RAF1: variants seen among roughly 807,000 people sequenced by gnomAD.
RAF1 encodes Raf-1 proto-oncogene, serine/threonine kinase.
RAF1 carries 27 observed loss-of-function variants against 81.1 expected under a neutral mutation model. That is an observed-to-expected ratio of 0.33 (90% CI 0.25 to 0.46). The LOEUF (loss-of-function observed/expected upper bound fraction) is 0.46. Among genes scored for constraint, RAF1 ranks in the 20% least tolerant of loss-of-function variants. The pLI is 1.00. For missense variants in RAF1, 598 were observed against 826.0 expected (o/e 0.72, Z 3.38); for synonymous variants, 298 against 294.0 (o/e 1.01, Z -0.14).
At chr3:12,663,128 G>C (rs1347662602) in intron 1 of RAF1, among the ~76,000 whole-genome samples, 2 of 152,118 alleles carry the variant, frequency 1.3e-5, no homozygotes, top group Non-Finnish European at 2.9e-5. Flanking sequence ...CTCTCTCTTG[G>C]GCATCGACTC....
intron 5 of RAF1, among the ~76,000 whole-genome samples, chr3:12,608,031 G>A (rs1467164745): frequency 6.7e-6 from 1 of 149,122 alleles, no homozygotes; most frequent in Non-Finnish European, 1.5e-5. Flanking sequence ...TGCTACTCAA[G>A]CTCTCATCAC....
chr3:12,663,474 G>C (rs1049569755), intron 1 of RAF1, among the ~76,000 whole-genome samples: 2 of 152,190 alleles, frequency 1.3e-5, no homozygotes, highest in Non-Finnish European at 2.9e-5. Context: ...AAAGGAATTG[G>C]CCCATCCAAG....
chr3:12,617,142 T>A (rs2059393485), intron 2 of RAF1, among the ~76,000 whole-genome samples: 1 of 152,016 alleles, frequency 6.6e-6, no homozygotes, highest in African/African-American at 2.4e-5. Context: ...TAATATAGTC[T>A]CACCCTTTCG....
At chr3:12,595,553 C>G (rs1039023283) in intron 11 of RAF1, among the ~76,000 whole-genome samples, 1 of 152,160 alleles carries the variant, frequency 6.6e-6, no homozygotes. Flanking sequence ...CACCCTACCA[C>G]TGGACCTCAC....
At chr3:12,640,236 T>G (rs990335201) in intron 1 of RAF1, among the ~76,000 whole-genome samples, 6 of 152,152 alleles carry the variant, frequency 3.9e-5, no homozygotes, top group Non-Finnish European at 8.8e-5. Flanking sequence ...ATTAAAGACT[T>G]AAATGTTAGA....
At chr3:12,648,392 G>A (rs2060419289) in intron 1 of RAF1, among the ~76,000 whole-genome samples, 1 of 151,498 alleles carries the variant, frequency 6.6e-6, no homozygotes, top group Admixed American at 6.6e-5. Flanking sequence ...CATACTAAAG[G>A]CATTAATTTT....
At chr3:12,647,034 C>T (rs1037866280) in intron 1 of RAF1, among the ~76,000 whole-genome samples, 2 of 151,428 alleles carry the variant, frequency 1.3e-5, no homozygotes, top group East Asian at 2.0e-4. Context: ...TGGTGGCTCA[C>T]GCCTGTAATC....
At position 12,652,518 on chromosome 3, in the gene RAF1, C is replaced by T. The variant is rs142976196; in HGVS notation, c.-27+11295G>A. Reference sequence around the variant, plus strand: ...CCTGGGCGACAAAGCTAGACTCGGTCTCAAAGAAAAAAAAAATCAAAACTT... The same window carrying T: ...CCTGGGCGACAAAGCTAGACTCGGTTTCAAAGAAAAAAAAAATCAAAACTT... On this transcript the variant is annotated intron_variant, in intron 1 of 17. Coordinates refer to ENST00000442415, the MANE Select transcript of RAF1 (RefSeq NM_001354689.3). Among the ~76,000 whole-genome samples, 643 of 151,824 alleles carry T rather than the reference C, an allele frequency of 4.2e-3. 7 individuals carry two copies. Among genetic ancestry groups the T allele is most frequent in the African/African-American group, 0.014 (588 of 41,398 alleles).
Position 12,591,753 on chromosome 3 carries a change from G to T in RAF1, c.1208C>A (p.Thr403Asn), listed in dbSNP as rs1458877448. The change falls in exon 12 of 18, where the codon ACC (threonine) becomes AAC (asparagine). Residue 403 changes from threonine (T) to asparagine (N), a missense_variant. Thr to Asn is a moderately conservative substitution (Grantham distance 65). This residue lies in a region of RAF1 where 85 missense variants were observed against 185.6 expected (regional missense o/e 0.46). Coordinates refer to ENST00000442415, the MANE Select transcript of RAF1 (RefSeq NM_001354689.3). ...CCTGAAGGCCTGGAATTGCTCTGGG[G>T]TTGGGTCGACAACCTTTAGGATCTT... 1 of 1,614,200 alleles carries T rather than the reference G, an allele frequency of 6.2e-7. No homozygotes were observed. Among genetic ancestry groups the T allele is most frequent in the Admixed American group, 1.7e-5 (1 of 60,026 alleles).
intron 11 of RAF1, among the ~76,000 whole-genome samples, chr3:12,598,259 C>T (rs1205477501): frequency 6.6e-6 from 1 of 152,062 alleles, no homozygotes; most frequent in African/African-American, 2.4e-5. Context: ...GTTCTGCCTG[C>T]CTCAGCCTCC....
rs908527722 is a variant in RAF1 at position 12,584,423 on chromosome 3, T to C, written c.*91A>G. ...CTTAGCAGCAGCTTCTCTGAAAACA[T>C]GTGTTCTGCCTCTGGAGAAAGGGAG... On this transcript the variant is annotated 3_prime_UTR_variant, in exon 18 of 18. Coordinates refer to ENST00000442415, the MANE Select transcript of RAF1 (RefSeq NM_001354689.3). 5.9e-6 allele frequency: 9 copies of C among 1,529,788 alleles called. No homozygotes were observed. In the African/African-American group the frequency reaches 6.8e-5, roughly 12 times the overall value. The allele number at this position is 1,529,788 out of a possible 1,614,324, so 94.8% of individuals were successfully genotyped here. A position where few individuals can be genotyped will look rare whatever the true frequency, so the allele number is the denominator to read the frequency against.
rs1161253771 is a variant in RAF1 at position 12,598,743 on chromosome 3, AAAAAAAAAAAC to A, written c.1168+937_1168+947del. Among the ~76,000 whole-genome samples the A allele has an allele frequency of 6.9e-4, 102 of 148,544 alleles. 2 individuals are homozygous for A. Among genetic ancestry groups the A allele is most frequent in the Non-Finnish European group, 1.2e-3 (83 of 67,226 alleles). ...TCTATCTCAAAAAAAAAAAAAAAAA[AAAAAAAAAAAC>A]CACCAAGTACTCAAAACTGGAGGTG... On this transcript the variant is annotated intron_variant, in intron 11 of 17. Coordinates refer to ENST00000442415, the MANE Select transcript of RAF1 (RefSeq NM_001354689.3).
intron 1 of RAF1, among the ~76,000 whole-genome samples, chr3:12,624,327 C>T (rs776064822): frequency 7.2e-5 from 11 of 152,216 alleles, no homozygotes; most frequent in Admixed American, 2.6e-4. Context: ...CCTTTATCAA[C>T]GCAAACATCT....
In RAF1 at chr3:12,585,799, T is replaced by C; in HGVS notation, c.1478A>G (p.Asn493Ser). 1.3e-6 allele frequency: 2 copies of C among 1,597,352 alleles called. No individual in the cohort carries two copies. The highest frequency in any genetic ancestry group is 1.7e-6 in the Non-Finnish European group (2 of 1,164,856). Reference sequence around the variant, plus strand: ...TGTTAAGCCTTCATGGAGAAATATATCTCAATGCTTGTTAAGGACTCTGGT... The same window carrying C: ...TGTTAAGCCTTCATGGAGAAATATACCTCAATGCTTGTTAAGGACTCTGGT... The change falls in exon 15 of 18, where the codon AAT (asparagine) becomes AGT (serine). Residue 493 changes from asparagine (N) to serine (S), a missense_variant and splice_region_variant. Asn to Ser is a conservative substitution (Grantham distance 46, BLOSUM62 1). Transcript: ENST00000442415.
At chr3:12,625,318 G>C (rs2059672281) in intron 1 of RAF1, among the ~76,000 whole-genome samples, 1 of 152,048 alleles carries the variant, frequency 6.6e-6, no homozygotes, top group Non-Finnish European at 1.5e-5. Flanking sequence ...CCCAACCTCA[G>C]GTGATCCACC....
intron 1 of RAF1, among the ~76,000 whole-genome samples, chr3:12,636,495 CAA>C (rs376534652): frequency 3.7e-5 from 5 of 136,888 alleles, no homozygotes; most frequent in African/African-American, 2.7e-5. Context: ...CATGGTTGCT[CAA>C]AAAAAAAAAG....
At position 12,584,841 on chromosome 3, in the gene RAF1, C is replaced by A; in HGVS notation, c.1863+6G>T. 6.2e-7 allele frequency: 1 copy of A among 1,614,044 alleles called. No homozygotes were observed. Among genetic ancestry groups the A allele is most frequent in the Non-Finnish European group, 8.5e-7 (1 of 1,179,942 alleles). On this transcript the variant is annotated splice_donor_region_variant and intron_variant, in intron 17 of 17. Transcript: ENST00000442415. ...TTAATCACATTCTAGCAGCCCTGAG[C>A]CTTACCTGGGGAAAAAGAGGCCTCT...
chr3:12,651,584 A>C (rs1319924444), intron 1 of RAF1, among the ~76,000 whole-genome samples: 1 of 150,944 alleles, frequency 6.6e-6, no homozygotes, highest in Non-Finnish European at 1.5e-5. Flanking sequence ...CAGTGAGCTG[A>C]GATCGGTTGC....
intron 1 of RAF1, among the ~76,000 whole-genome samples, chr3:12,621,778 A>G (rs1384850405): frequency 6.6e-6 from 1 of 152,224 alleles, no homozygotes; most frequent in Non-Finnish European, 1.5e-5. Flanking sequence ...TGATAAATAA[A>G]GTAGATCCAT....
Sources: allele counts gnomAD v4.1 joint callset (sites outside exome capture counted in the v4.1 genomes callset), GRCh38; gene constraint gnomAD v4.1.1; regional missense constraint gnomAD v4.1.1; transcripts MANE v1.5; gene names NCBI Gene and HGNC (gene_info 2026-07-23, HGNC 2026-07-21).